TMEM117: variants seen among roughly 807,000 people sequenced by gnomAD.
TMEM117 encodes the protein transmembrane protein 117.
TMEM117 carries 27 observed loss-of-function variants against 52.4 expected under a neutral mutation model. The ratio of observed to expected loss-of-function variants is 0.51; its 90% CI spans 0.38 to 0.71. The LOEUF (loss-of-function observed/expected upper bound fraction) is 0.71, where lower values mean the gene tolerates loss of function less well. TMEM117 is among the 30% of genes least tolerant of loss of function. TMEM117 has a pLI of 0.00. For missense variants in TMEM117, 556 were observed against 630.5 expected, an observed-to-expected ratio of 0.88 and a Z score of 1.26; for synonymous variants, 215 against 206.3, an observed-to-expected ratio of 1.04 and a Z score of -0.36.
intron 2 of TMEM117, among the ~76,000 whole-genome samples, chr12:43,870,267 T>G (rs909527406): frequency 2.6e-5 from 4 of 151,718 alleles, no homozygotes; most frequent in Non-Finnish European, 5.9e-5. Context: ...CTTTTTTTTT[T>G]TTTTCTTTTT....
the TMEM117 span, among the ~76,000 whole-genome samples, chr12:43,813,287 A>G: frequency 1.7e-3 from 200 of 118,372 alleles, 2 homozygotes; most frequent in African/African-American, 6.1e-3. Context: ...TCTGTCGCCC[A>G]GGCTGGAGTA....
intron 3 of TMEM117, among the ~76,000 whole-genome samples, chr12:44,093,907 A>C (rs1387270911): frequency 6.6e-6 from 1 of 152,050 alleles, no homozygotes. Context: ...TGCATGATTT[A>C]GTATTGCTGT....
In TMEM117 at chr12:44,249,001, GCTTCCT is replaced by G. The variant is rs1950165111; in HGVS notation, c.608+37615_608+37620del. 2 of 152,184 alleles carry G rather than the reference GCTTCCT, an allele frequency of 1.3e-5. 1 individual carries two copies. The highest frequency in any genetic ancestry group is 1.3e-4 in the Admixed American group (2 of 15,270). 9.4% of individuals were successfully genotyped at this position (152,184 alleles called of 1,614,324 possible). ...GTGGGTTTATTCATTTTTTTAGGCT[GCTTCCT>G]ATTAGTTCTGTTCTGCAAGTTGTAC... is the stretch of plus-strand genomic sequence containing the variant. On this transcript the variant is annotated intron_variant, in intron 5 of 7. Coordinates refer to ENST00000266534, the MANE Select transcript of TMEM117 (RefSeq NM_032256.3).
chr12:43,870,865 A>G (rs1943691696), intron 2 of TMEM117, among the ~76,000 whole-genome samples: 1 of 151,854 alleles, frequency 6.6e-6, no homozygotes, highest in Non-Finnish European at 1.5e-5. Context: ...GCTCACTGCA[A>G]CCTCTGCCTC....
chr12:44,205,506 A>G (rs555947405), intron 4 of TMEM117, among the ~76,000 whole-genome samples: 294 of 152,228 alleles, frequency 1.9e-3, no homozygotes, highest in Non-Finnish European at 3.5e-3. Flanking sequence ...CAAAATATCC[A>G]TCTGACAAAG....
intron 5 of TMEM117, among the ~76,000 whole-genome samples, chr12:44,291,374 GTTTTTTTT>G (rs1185340451): frequency 2.3e-3 from 162 of 71,464 alleles, no homozygotes; most frequent in Admixed American, 5.4e-3. Flanking sequence ...AGTTCTAACA[GTTTTTTTT>G]TTTTTTTTTT....
intron 3 of TMEM117, among the ~76,000 whole-genome samples, chr12:44,000,526 G>C (rs932716485): frequency 2.0e-5 from 3 of 152,072 alleles, no homozygotes; most frequent in African/African-American, 4.8e-5. Context: ...CAGAGGTGAG[G>C]ACTCTCTGAA....
chr12:43,959,066 CAA>C (rs1945359014), intron 3 of TMEM117, among the ~76,000 whole-genome samples: 2 of 152,106 alleles, frequency 1.3e-5, no homozygotes, highest in Non-Finnish European at 2.9e-5. Flanking sequence ...CTTGGCCTCC[CAA>C]AGTGCTGGCA....
At chr12:44,092,307 T>A (rs1384650167) in intron 3 of TMEM117, among the ~76,000 whole-genome samples, 1 of 152,204 alleles carries the variant, frequency 6.6e-6, no homozygotes, top group Non-Finnish European at 1.5e-5. Context: ...GAAAGCATAT[T>A]TCCAGTCACA....
intron 2 of TMEM117, among the ~76,000 whole-genome samples, chr12:43,845,458 C>T (rs1943187721): frequency 1.4e-5 from 1 of 72,156 alleles, no homozygotes; most frequent in African/African-American, 1.2e-4. Context: ...GCGACTCCAT[C>T]TCAAAAAAAA....
At chr12:44,164,476 G>T (rs1948938313) in intron 4 of TMEM117, among the ~76,000 whole-genome samples, 1 of 151,982 alleles carries the variant, frequency 6.6e-6, no homozygotes, top group African/African-American at 2.4e-5. Context: ...TTCCATTCCT[G>T]AGTTACTTCA....
intron 5 of TMEM117, among the ~76,000 whole-genome samples, chr12:44,223,016 TC>T (rs1362834986): frequency 3.3e-5 from 5 of 149,280 alleles, no homozygotes; most frequent in African/African-American, 1.2e-4. Flanking sequence ...CAAAAACTTT[TC>T]CTTTTTTTTT....
At chr12:44,221,117 C>A (rs963606835) in intron 5 of TMEM117, among the ~76,000 whole-genome samples, 1 of 152,054 alleles carries the variant, frequency 6.6e-6, no homozygotes, top group Admixed American at 6.5e-5. Flanking sequence ...ATTACCTTGA[C>A]CTTGTGATGA....
chr12:43,959,284 T>C (rs1945363001), intron 3 of TMEM117, among the ~76,000 whole-genome samples: 1 of 152,202 alleles, frequency 6.6e-6, no homozygotes, highest in Non-Finnish European at 1.5e-5. Context: ...CTTACATTTA[T>C]CCCGATTTTT....
chr12:44,339,935 A>G (rs1040159836), intron 6 of TMEM117, among the ~76,000 whole-genome samples: 19 of 152,078 alleles, frequency 1.2e-4, no homozygotes, highest in African/African-American at 3.9e-4. Context: ...GAAGAAATAT[A>G]TATGCAAAGT....
chr12:43,943,307 C>T (rs1326957850), intron 2 of TMEM117, among the ~76,000 whole-genome samples: 3 of 151,532 alleles, frequency 2.0e-5, no homozygotes, highest in African/African-American at 4.8e-5. Context: ...ATAATAGACA[C>T]GGTTTATCTT....
chr12:44,348,225 T>C (rs1387347426), intron 6 of TMEM117, among the ~76,000 whole-genome samples: 2 of 149,770 alleles, frequency 1.3e-5, no homozygotes, highest in Admixed American at 6.7e-5. Flanking sequence ...GTTTAAGATA[T>C]AAAGGAATAA....
At chr12:43,986,363 T>C (rs2137735802) in intron 3 of TMEM117, among the ~76,000 whole-genome samples, 1 of 152,326 alleles carries the variant, frequency 6.6e-6, no homozygotes, top group African/African-American at 2.4e-5. Context: ...TCCTTTTGCA[T>C]TCTCTTTTAA....
intron 3 of TMEM117, among the ~76,000 whole-genome samples, chr12:44,133,373 C>A (rs1166268987): frequency 3.3e-5 from 5 of 152,152 alleles, no homozygotes; most frequent in Non-Finnish European, 5.9e-5. Context: ...TAATAGCTAA[C>A]AGTACTGGTT....
Sources: gnomAD v4.1 joint callset for allele counts (sites outside exome capture counted in the v4.1 genomes callset) on GRCh38, gnomAD v4.1.1 for gene constraint, MANE v1.5 for transcripts, NCBI Gene and HGNC (gene_info 2026-07-23, HGNC 2026-07-21) for gene names.